GPLD1: variants seen among roughly 807,000 people sequenced by gnomAD.
GPLD1 encodes phosphatidylinositol-glycan-specific phospholipase D.
GPLD1 carries 84 observed loss-of-function variants against 112.6 expected under a neutral mutation model. That is an observed-to-expected ratio of 0.75 (90% CI 0.63 to 0.89). The LOEUF (loss-of-function observed/expected upper bound fraction) is 0.89, where lower values mean the gene tolerates loss of function less well. Ranked by LOEUF, GPLD1 falls within the 40% of genes least tolerant of loss-of-function variation. The probability of loss-of-function intolerance (pLI) is 0.00; values close to 1 mark genes in which losing one functional copy is unlikely to be tolerated. For missense variants in GPLD1, 1,044 were observed against 1,051.5 expected, an observed-to-expected ratio of 0.99 and a Z score of 0.10; for synonymous variants, 386 against 403.8, an observed-to-expected ratio of 0.96 and a Z score of 0.53.
intron 24 of GPLD1, among the ~76,000 whole-genome samples, chr6:24,430,549 A>G (rs925971928): frequency 6.6e-6 from 1 of 152,172 alleles, no homozygotes. Flanking sequence ...TCCTGAGCTG[A>G]TGGAAGGCAG....
intron 12 of GPLD1, among the ~76,000 whole-genome samples, chr6:24,459,635 G>A (rs1246101906): frequency 6.6e-6 from 1 of 152,174 alleles, no homozygotes; most frequent in East Asian, 1.9e-4. Flanking sequence ...TTTTGTATTT[G>A]TCACTCCTTT....
intron 6 of GPLD1, 140 bp from the exon 7 acceptor site, chr6:24,472,776 A>G (rs1279870356): frequency 6.8e-6 from 4 of 591,440 alleles, no homozygotes; most frequent in Admixed American, 2.9e-5. Flanking sequence ...AGGTAAAGGC[A>G]TGCCTTTTTT....
intron 20 of GPLD1, among the ~76,000 whole-genome samples, chr6:24,441,555 C>T (rs1017503494): frequency 6.6e-6 from 1 of 152,110 alleles, no homozygotes; most frequent in Non-Finnish European, 1.5e-5. Flanking sequence ...GCTGCATATT[C>T]AGGGATGGTT....
intron 2 of GPLD1, among the ~76,000 whole-genome samples, chr6:24,480,832 C>T (rs1171721182): frequency 6.6e-6 from 1 of 152,214 alleles, no homozygotes; most frequent in African/African-American, 2.4e-5. Flanking sequence ...GCTGTCTCAG[C>T]TCACAGTCTG....
Position 24,456,494 on chromosome 6 carries a change from G to T in GPLD1, c.1148+4C>A. 2 of 1,592,666 alleles carry T rather than the reference G, an allele frequency of 1.3e-6. No individual in the cohort carries two copies. The highest frequency in any genetic ancestry group is 1.1e-5 in the South Asian group (1 of 88,232). ...ATTCACAAGTTAGATAAACTTATAC[G>T]TACCAGCCAAGCCTCGCATAAGGAA... On this transcript the variant is annotated splice_donor_region_variant and intron_variant, in intron 13 of 24. Transcript: ENST00000230036.
At chr6:24,475,688 C>CAAAAAAAA (rs35291266) in intron 4 of GPLD1, among the ~76,000 whole-genome samples, 2 of 113,312 alleles carry the variant, frequency 1.8e-5, no homozygotes, top group Non-Finnish European at 3.5e-5. Context: ...ACTAAAAATA[C>CAAAAAAAA]AAAAAAAAAA....
chr6:24,461,482 A>C (rs1347932563), intron 11 of GPLD1, among the ~76,000 whole-genome samples: 1 of 152,216 alleles, frequency 6.6e-6, no homozygotes, highest in Non-Finnish European at 1.5e-5. Flanking sequence ...TTTTGAGTAT[A>C]TCTCACTCTT....
intron 20 of GPLD1, 38 bp from the exon 21 acceptor site, chr6:24,437,327 G>C (rs778831622): frequency 6.3e-7 from 1 of 1,593,328 alleles, no homozygotes; most frequent in African/African-American, 1.3e-5. Context: ...CTCACAGAAA[G>C]GAAGGCATTA....
intron 15 of GPLD1, among the ~76,000 whole-genome samples, chr6:24,448,665 C>T (rs529894591): frequency 6.6e-6 from 1 of 152,132 alleles, no homozygotes; most frequent in Non-Finnish European, 1.5e-5. Context: ...TGCAGAATGA[C>T]TTACTCAACT....
intron 1 of GPLD1, chr6:24,494,738 A>C: frequency 2.9e-6 from 1 of 346,574 alleles, no homozygotes; most frequent in Non-Finnish European, 5.1e-6. Flanking sequence ...CCCCGAACCC[A>C]ACCCTCCCCC....
chr6:24,476,422 G>GA, intron 3 of GPLD1, 144 bp from the exon 4 acceptor site: 2 of 592,232 alleles, frequency 3.4e-6, no homozygotes, highest in Middle Eastern at 6.7e-4. Flanking sequence ...ACTTTCAAAA[G>GA]AAGCCTCTAA....
chr6:24,465,681 T>G (rs1233453463), intron 10 of GPLD1, among the ~76,000 whole-genome samples: 1 of 152,128 alleles, frequency 6.6e-6, no homozygotes, highest in East Asian at 1.9e-4. Context: ...CAGCTAGAAG[T>G]GGGGACAATC....
At chr6:24,485,691 C>T (rs1176204543) in intron 2 of GPLD1, among the ~76,000 whole-genome samples, 13 of 141,838 alleles carry the variant, frequency 9.2e-5, no homozygotes, top group Non-Finnish European at 1.4e-4. Context: ...TTTTTTGAGA[C>T]GGAGTTTCAC....
At chr6:24,473,176 T>C (rs1032011345) in intron 6 of GPLD1, 3 of 151,366 alleles carry the variant, frequency 2.0e-5, no homozygotes, top group African/African-American at 7.3e-5. Flanking sequence ...TAACCAAAGG[T>C]GTTTTTTGTT....
intron 24 of GPLD1, among the ~76,000 whole-genome samples, chr6:24,432,834 C>G (rs143377326): frequency 1.2e-3 from 183 of 152,298 alleles, no homozygotes; most frequent in South Asian, 8.9e-3. Flanking sequence ...TCCACTACAG[C>G]TGTGTGGGCG....
chr6:24,431,455 G>T (rs1762401508), intron 24 of GPLD1, among the ~76,000 whole-genome samples: 1 of 151,830 alleles, frequency 6.6e-6, no homozygotes, highest in Non-Finnish European at 1.5e-5. Context: ...CAGGGACTCT[G>T]CCCTCTCTGT....
At chr6:24,463,969 T>C (rs1375643837) in intron 10 of GPLD1, among the ~76,000 whole-genome samples, 1 of 152,208 alleles carries the variant, frequency 6.6e-6, no homozygotes, top group Non-Finnish European at 1.5e-5. Flanking sequence ...TCTTTCTCAA[T>C]TATCTTTTCC....
At position 24,433,256 on chromosome 6, in the gene GPLD1, G is replaced by A; in HGVS notation, c.2386-19C>T. 1 of 1,608,054 alleles carries A rather than the reference G, an allele frequency of 6.2e-7. No homozygotes were observed. Among genetic ancestry groups the A allele is most frequent in the Non-Finnish European group, 8.5e-7 (1 of 1,174,506 alleles). ...AGCTGGCCTGTAAAACATGCCGTCT[G>A]TTAATGGGCTTTGAAGAACATAGTG... is the stretch of plus-strand genomic sequence containing the variant. On this transcript the variant is annotated intron_variant, in intron 23 of 24. Transcript: ENST00000230036.
chr6:24,476,306 TTC>T (rs1391094154), intron 3 of GPLD1, 28 bp from the exon 4 acceptor site: 3 of 1,204,054 alleles, frequency 2.5e-6, no homozygotes, highest in Admixed American at 4.0e-5. Flanking sequence ...GGGCTCTAGA[TTC>T]TCTCTTAAAA....
Sources: allele counts gnomAD v4.1 joint callset (sites outside exome capture counted in the v4.1 genomes callset), GRCh38; gene constraint gnomAD v4.1.1; transcripts MANE v1.5; gene names NCBI Gene and HGNC (gene_info 2026-07-23, HGNC 2026-07-21).